ARFGEF2: variants seen among roughly 807,000 people sequenced by gnomAD.
ARFGEF2 encodes brefeldin A-inhibited guanine nucleotide-exchange protein 2.
A neutral mutation model predicts 219.9 loss-of-function variants in ARFGEF2; 74 were observed. The observed-to-expected ratio is 0.34, with a 90% CI of 0.28 to 0.41. The LOEUF (loss-of-function observed/expected upper bound fraction) is 0.41, where lower values mean the gene tolerates loss of function less well. ARFGEF2 is among the 10% of genes least tolerant of loss of function. ARFGEF2 has a pLI of 1.00. For synonymous variants in ARFGEF2, 733 were observed against 799.2 expected, an observed-to-expected ratio of 0.92 and a Z score of 1.40; for missense variants, 1,743 against 2,218.3, an observed-to-expected ratio of 0.79 and a Z score of 4.30.
At chr20:49,013,517 C>A in intron 28 of ARFGEF2, 47 bp from the exon 29 acceptor site, 1 of 1,613,442 alleles carries the variant, frequency 6.2e-7, no homozygotes, top group African/African-American at 1.3e-5. Context: ...TCAGTTCCTT[C>A]CTTTTGCATG....
At chr20:48,938,045 C>T (rs990536976) in intron 1 of ARFGEF2, among the ~76,000 whole-genome samples, 13 of 152,278 alleles carry the variant, frequency 8.5e-5, no homozygotes, top group East Asian at 5.8e-4. Flanking sequence ...GTTCGAGAGT[C>T]GAGGTATCCA....
intron 9 of ARFGEF2, 21 bp from the exon 10 acceptor site, chr20:48,971,099 G>A: frequency 6.2e-7 from 1 of 1,608,716 alleles, no homozygotes; most frequent in Non-Finnish European, 8.5e-7. Context: ...CACTGTTGTG[G>A]TTTTTCATTT....
intron 21 of ARFGEF2, among the ~76,000 whole-genome samples, chr20:48,991,611 A>G (rs2091357908): frequency 6.6e-6 from 1 of 152,242 alleles, no homozygotes; most frequent in South Asian, 2.1e-4. Flanking sequence ...CAGTGAATTC[A>G]CATGTTTTTA....
At chr20:48,992,626 G>A (rs780085126) in intron 21 of ARFGEF2, among the ~76,000 whole-genome samples, 1 of 152,194 alleles carries the variant, frequency 6.6e-6, no homozygotes, top group Admixed American at 6.5e-5. Flanking sequence ...GCTTGGGACT[G>A]TATTTGGCAA....
At chr20:49,011,831 ATGTGTGTG>A in intron 27 of ARFGEF2, 85 bp from the exon 28 acceptor site, 5 of 1,112,728 alleles carry the variant, frequency 4.5e-6, no homozygotes, top group African/African-American at 1.6e-5. Context: ...TCTCTGATGT[ATGTGTGTG>A]TGTGTGTGTG....
intron 26 of ARFGEF2, among the ~76,000 whole-genome samples, chr20:49,006,539 G>A (rs1447703575): frequency 1.3e-5 from 2 of 152,166 alleles, no homozygotes; most frequent in Non-Finnish European, 2.9e-5. Flanking sequence ...TAAGGGGATA[G>A]GGATGGAAGC....
chr20:48,969,355 G>A, intron 9 of ARFGEF2, 78 bp downstream of exon 9: 2 of 1,610,936 alleles, frequency 1.2e-6, no homozygotes, highest in East Asian at 2.2e-5. Context: ...CACTTCCCTT[G>A]TTCCAAGAAG....
intron 23 of ARFGEF2, among the ~76,000 whole-genome samples, chr20:48,996,255 A>G (rs988350298): frequency 6.7e-6 from 1 of 150,318 alleles, no homozygotes; most frequent in African/African-American, 2.5e-5. Context: ...GGAAATCGAG[A>G]CCATTTTGGC....
rs1600555606 is a variant in ARFGEF2, at chr20:49,023,241, G to A, written c.4755+60G>A. The A allele has an allele frequency of 4.4e-6, 7 of 1,605,764 alleles. No individual in the cohort carries two copies. In the East Asian group the frequency reaches 1.6e-4, roughly 36 times the overall value. On this transcript the variant is annotated intron_variant, in intron 35 of 38. Coordinates refer to ENST00000371917, the MANE Select transcript of ARFGEF2 (RefSeq NM_006420.3). ...TCCATAGGGAGGTTGCTTTGATGTA[G>A]TGGTGTGCGGAAGCCAGCTTGTACT...
chr20:48,948,876 A>G (rs1045881362), intron 3 of ARFGEF2, among the ~76,000 whole-genome samples: 6 of 152,206 alleles, frequency 3.9e-5, no homozygotes, highest in Non-Finnish European at 4.4e-5. Flanking sequence ...CCTGGGGGAT[A>G]GTGGGAGATA....
intron 26 of ARFGEF2, among the ~76,000 whole-genome samples, chr20:49,008,193 A>T (rs540789780): frequency 2.6e-5 from 4 of 152,038 alleles, no homozygotes; most frequent in South Asian, 2.1e-4. Context: ...AAAAAAACAA[A>T]CTATCTAAAT....
At chr20:49,023,976 T>C (rs916733564) in intron 35 of ARFGEF2, among the ~76,000 whole-genome samples, 2 of 152,084 alleles carry the variant, frequency 1.3e-5, no homozygotes, top group African/African-American at 4.8e-5. Context: ...TTTTTCTTTT[T>C]TTGGCGAGAC....
intron 33 of ARFGEF2, 52 bp from the exon 34 acceptor site, chr20:49,018,832 A>G: frequency 1.3e-6 from 2 of 1,523,712 alleles, no homozygotes; most frequent in Admixed American, 1.7e-5. Context: ...ATCTCTGCCC[A>G]AATTATCATG....
intron 22 of ARFGEF2, among the ~76,000 whole-genome samples, chr20:48,995,160 ACT>A (rs766676857): frequency 7.2e-5 from 11 of 152,148 alleles, no homozygotes; most frequent in Non-Finnish European, 1.5e-4. Flanking sequence ...GAGAACAGGG[ACT>A]GTTATATTCC....
chr20:49,019,834 C>CT (rs1212879011), intron 34 of ARFGEF2, among the ~76,000 whole-genome samples: 1 of 152,104 alleles, frequency 6.6e-6, no homozygotes, highest in Non-Finnish European at 1.5e-5. Context: ...TTGTTGGCCC[C>CT]TTTTTTATTG....
intron 30 of ARFGEF2, among the ~76,000 whole-genome samples, chr20:49,014,285 A>G (rs2091517790): frequency 6.6e-6 from 1 of 151,996 alleles, no homozygotes; most frequent in Non-Finnish European, 1.5e-5. Flanking sequence ...GAGCAGTCAG[A>G]AAGTGGAATG....
At chr20:48,959,532 TC>T (rs2091130602) in intron 6 of ARFGEF2, among the ~76,000 whole-genome samples, 1 of 58,572 alleles carries the variant, frequency 1.7e-5, no homozygotes. Context: ...CCTCTTTCCC[TC>T]CCTCCCTCTG....
chr20:49,025,542 G>A (rs2091597012), intron 36 of ARFGEF2, 61 bp downstream of exon 36: 8 of 1,603,320 alleles, frequency 5.0e-6, no homozygotes, highest in African/African-American at 2.7e-5. Context: ...AAACATTAAA[G>A]TGCTTGGAAA....
intron 18 of ARFGEF2, 114 bp from the exon 19 acceptor site, chr20:48,989,171 G>T: frequency 8.3e-7 from 1 of 1,205,716 alleles, no homozygotes. Flanking sequence ...ATGGACTCAC[G>T]AGATGGTTGG....
Sources: gnomAD v4.1 joint callset for allele counts (sites outside exome capture counted in the v4.1 genomes callset) on GRCh38, gnomAD v4.1.1 for gene constraint, MANE v1.5 for transcripts, NCBI Gene and HGNC (gene_info 2026-07-23, HGNC 2026-07-21) for gene names.